The following KCNH8 variants were observed in gnomAD, a reference collection of about 807,000 sequenced individuals.
KCNH8 encodes potassium voltage-gated channel subfamily H member 8.
A neutral mutation model predicts 103.6 loss-of-function variants in KCNH8; 70 were observed. The observed-to-expected ratio is 0.68, with a 90% CI of 0.56 to 0.82. The LOEUF is 0.82. Among genes scored for constraint, KCNH8 ranks in the 40% least tolerant of loss-of-function variants. The pLI, the probability that KCNH8 is intolerant of heterozygous loss-of-function variation, is 0.00. For synonymous variants in KCNH8, 498 were observed against 489.4 expected, an observed-to-expected ratio of 1.02 and a Z score of -0.23; for missense variants, 1,217 against 1,329.9, an observed-to-expected ratio of 0.92 and a Z score of 1.32.
chr3:19,305,319 C>T (rs935239795), intron 3 of KCNH8, among the ~76,000 whole-genome samples: 1 of 152,054 alleles, frequency 6.6e-6, no homozygotes, highest in Non-Finnish European at 1.5e-5. Context: ...AATGTATTTC[C>T]CTTTCATGTA....
chr3:19,505,102 C>T (rs186795485), intron 11 of KCNH8, among the ~76,000 whole-genome samples: 2,140 of 151,634 alleles, frequency 0.014, 49 homozygotes, highest in African/African-American at 0.047. Context: ...CACACACACA[C>T]ACCATGGAAT....
chr3:19,397,571 A>G (rs949555024), intron 7 of KCNH8, among the ~76,000 whole-genome samples: 2 of 151,088 alleles, frequency 1.3e-5, no homozygotes, highest in Non-Finnish European at 3.0e-5. Context: ...ATACATATAT[A>G]TATTTTTCTT....
chr3:19,211,973 G>A (rs1211933486), intron 1 of KCNH8, among the ~76,000 whole-genome samples: 4 of 152,146 alleles, frequency 2.6e-5, no homozygotes, highest in Non-Finnish European at 5.9e-5. Context: ...AGCTCCATGT[G>A]ATAACAAGGA....
At chr3:19,270,012 G>A (rs1004675279) in intron 2 of KCNH8, among the ~76,000 whole-genome samples, 1 of 152,052 alleles carries the variant, frequency 6.6e-6, no homozygotes, top group Non-Finnish European at 1.5e-5. Context: ...AAATACTTTG[G>A]TAGTATATAG....
At chr3:19,243,397 T>C (rs190842780) in intron 1 of KCNH8, among the ~76,000 whole-genome samples, 80 of 152,288 alleles carry the variant, frequency 5.3e-4, no homozygotes, top group African/African-American at 1.8e-3. Flanking sequence ...ATTACAGCCA[T>C]GGAATAGCTG....
At chr3:19,223,821 A>G (rs1019165036) in intron 1 of KCNH8, among the ~76,000 whole-genome samples, 1 of 152,186 alleles carries the variant, frequency 6.6e-6, no homozygotes, top group Non-Finnish European at 1.5e-5. Context: ...GGGGAAATTT[A>G]AAAAGTGATG....
At chr3:19,292,872 C>T (rs1406910638) in intron 3 of KCNH8, among the ~76,000 whole-genome samples, 1 of 152,200 alleles carries the variant, frequency 6.6e-6, no homozygotes, top group East Asian at 1.9e-4. Context: ...TTTCCCCTTG[C>T]CTCTTTCTCC....
intron 13 of KCNH8, among the ~76,000 whole-genome samples, chr3:19,514,521 T>C (rs1312280820): frequency 1.3e-5 from 2 of 151,880 alleles, no homozygotes; most frequent in African/African-American, 4.8e-5. Flanking sequence ...AAATAATATT[T>C]TGAGGACATA....
chr3:19,451,012 A>G (rs1028134464), intron 9 of KCNH8, 143 bp from the exon 10 acceptor site: 11 of 745,540 alleles, frequency 1.5e-5, no homozygotes, highest in South Asian at 5.0e-5. Flanking sequence ...CTCCAGGATT[A>G]TACATACTTA....
At chr3:19,397,947 CT>C (rs1485671253) in intron 7 of KCNH8, among the ~76,000 whole-genome samples, 3 of 151,896 alleles carry the variant, frequency 2.0e-5, no homozygotes, top group Non-Finnish European at 2.9e-5. Context: ...GTCTACGCTA[CT>C]TTAATTTTTA....
intron 11 of KCNH8, among the ~76,000 whole-genome samples, chr3:19,499,954 G>A (rs1050341275): frequency 2.6e-5 from 4 of 152,148 alleles, no homozygotes; most frequent in Non-Finnish European, 2.9e-5. Context: ...AACTTTAAAT[G>A]TAAATGGACT....
chr3:19,273,917 T>C (rs970930873), intron 2 of KCNH8, among the ~76,000 whole-genome samples: 2 of 152,200 alleles, frequency 1.3e-5, no homozygotes, highest in South Asian at 2.1e-4. Context: ...GTGGTTCTAC[T>C]CTTATTCCTG....
chr3:19,455,178 G>C (rs1401849567), intron 10 of KCNH8, among the ~76,000 whole-genome samples: 1 of 152,084 alleles, frequency 6.6e-6, no homozygotes. Flanking sequence ...ACCTGGAAAG[G>C]GTAGGGGCAG....
At chr3:19,495,103 T>C (rs1329350889) in intron 11 of KCNH8, among the ~76,000 whole-genome samples, 2 of 152,168 alleles carry the variant, frequency 1.3e-5, no homozygotes. Context: ...ATATTAGACC[T>C]TTGTTGGATG....
intron 15 of KCNH8, among the ~76,000 whole-genome samples, chr3:19,531,202 C>T (rs150719756): frequency 4.2e-4 from 64 of 152,262 alleles, no homozygotes; most frequent in African/African-American, 1.5e-3. Context: ...CCTATATGAA[C>T]GGATGGCTAA....
intron 5 of KCNH8, among the ~76,000 whole-genome samples, chr3:19,351,344 A>C (rs1347635356): frequency 6.6e-6 from 1 of 152,190 alleles, no homozygotes; most frequent in Non-Finnish European, 1.5e-5. Context: ...TTCCCAACCT[A>C]GCAAGGCAGG....
intron 3 of KCNH8, among the ~76,000 whole-genome samples, chr3:19,312,369 A>T (rs114908282): frequency 2.0e-5 from 3 of 151,928 alleles, no homozygotes; most frequent in Non-Finnish European, 4.4e-5. Flanking sequence ...GTGAAATAGT[A>T]TACTATAGTG....
At chr3:19,469,303 C>A (rs2067806074) in intron 11 of KCNH8, among the ~76,000 whole-genome samples, 1 of 152,172 alleles carries the variant, frequency 6.6e-6, no homozygotes, top group Non-Finnish European at 1.5e-5. Context: ...AAAAACACTT[C>A]CATGAAATAT....
intron 13 of KCNH8, among the ~76,000 whole-genome samples, 154 bp downstream of exon 13, chr3:19,513,479 T>C (rs2068822613): frequency 6.6e-6 from 1 of 152,186 alleles, no homozygotes; most frequent in African/African-American, 2.4e-5. Context: ...TTTTTGAGTT[T>C]ATGTGCAAGT....
Sources: allele counts gnomAD v4.1 joint callset (sites outside exome capture counted in the v4.1 genomes callset), GRCh38; gene constraint gnomAD v4.1.1; transcripts MANE v1.5; gene names NCBI Gene and HGNC (gene_info 2026-07-23, HGNC 2026-07-21).